PPP1R9A: variants seen among roughly 807,000 people sequenced by gnomAD.
PPP1R9A encodes protein phosphatase 1 regulatory subunit 9A.
In PPP1R9A, 59 loss-of-function variants were observed where a neutral mutation model predicts 141.9. The observed-to-expected ratio is 0.42, with a 90% CI of 0.34 to 0.52. The LOEUF is 0.52. Ranked by LOEUF, PPP1R9A falls within the 20% of genes least tolerant of loss-of-function variation. The pLI, the probability that PPP1R9A is intolerant of heterozygous loss-of-function variation, is 0.10. For synonymous variants in PPP1R9A, 500 were observed against 569.7 expected, an observed-to-expected ratio of 0.88 and a Z score of 1.74; for missense variants, 1,444 against 1,611.9, an observed-to-expected ratio of 0.90 and a Z score of 1.78.
intron 8 of PPP1R9A, among the ~76,000 whole-genome samples, chr7:95,245,682 A>G (rs1372515897): frequency 2.0e-5 from 3 of 152,190 alleles, no homozygotes; most frequent in Non-Finnish European, 2.9e-5. Context: ...AGTCATTGAG[A>G]AAACTTGTGA....
intron 12 of PPP1R9A, among the ~76,000 whole-genome samples, chr7:95,263,009 G>A (rs1339501663): frequency 6.6e-6 from 1 of 152,056 alleles, no homozygotes; most frequent in Non-Finnish European, 1.5e-5. Context: ...CAAATTATCT[G>A]GCAGTTAGTA....
At chr7:95,214,779 G>T (rs964791554) in intron 7 of PPP1R9A, among the ~76,000 whole-genome samples, 23 of 152,168 alleles carry the variant, frequency 1.5e-4, no homozygotes, top group Non-Finnish European at 1.6e-4. Flanking sequence ...TATTTTATTG[G>T]CAAATAATGA....
intron 2 of PPP1R9A, among the ~76,000 whole-genome samples, chr7:95,059,921 A>G (rs545251341): frequency 6.6e-6 from 1 of 152,138 alleles, no homozygotes; most frequent in Non-Finnish European, 1.5e-5. Context: ...AAGGACTCTG[A>G]AAAATGTGTG....
At position 94,985,656 on chromosome 7, in the gene PPP1R9A, A is replaced by AT. The variant is rs984719478; in HGVS notation, c.1395+74157dup. ...GACTGGGATTGCAACTCCTGCTTTT[A>AT]TTTTTTTTTGCTTTCCATTTGCTTG... On this transcript the variant is annotated intron_variant, in intron 2 of 19. Transcript: ENST00000433360. Among the ~76,000 whole-genome samples the AT allele has an allele frequency of 2.4e-3, 351 of 149,286 alleles. 2 individuals are homozygous for AT. The highest frequency in any genetic ancestry group is 7.3e-3 in the African/African-American group (298 of 40,744).
chr7:95,129,079 T>A (rs909770289), intron 4 of PPP1R9A, among the ~76,000 whole-genome samples: 2 of 152,212 alleles, frequency 1.3e-5, no homozygotes, highest in African/African-American at 4.8e-5. Flanking sequence ...ACTAGTTAGC[T>A]ATCCTAGCAC....
chr7:95,146,270 A>G (rs1445922108), intron 4 of PPP1R9A, among the ~76,000 whole-genome samples: 3 of 152,152 alleles, frequency 2.0e-5, no homozygotes, highest in Non-Finnish European at 4.4e-5. Flanking sequence ...GCTTGTTTTC[A>G]TAAGTTTTTT....
intron 2 of PPP1R9A, among the ~76,000 whole-genome samples, chr7:95,101,073 C>T (rs1186930936): frequency 1.3e-5 from 2 of 151,618 alleles, no homozygotes; most frequent in Non-Finnish European, 2.9e-5. Flanking sequence ...AGGATGGTCT[C>T]GATCTCCTGA....
Position 94,910,986 on chromosome 7 carries a change from G to T in PPP1R9A, c.873G>T (p.Ser291=). The T allele has an allele frequency of 6.2e-7, 1 of 1,614,026 alleles. No individual in the cohort carries two copies. The highest frequency in any genetic ancestry group is 8.5e-7 in the Non-Finnish European group (1 of 1,180,004). Reference sequence around the variant, plus strand: ...CTTCTAAAAGTACCTCTCTAGCTTCGATACCTGGTGAAGAGATCCAGCAGA... The same window carrying T: ...CTTCTAAAAGTACCTCTCTAGCTTCTATACCTGGTGAAGAGATCCAGCAGA... ...EVASKSTSLA[S]IPGEEIQQSK... is the part of the protein sequence containing the mutation. Residue 291 remains serine, a synonymous_variant, in exon 2 of 20, where the codon TCG becomes TCT. Transcript: ENST00000433360. This position sits in a 1 kb window ranked among gnomAD's most constrained non-coding sequence, Gnocchi z 4.5.
At chr7:95,200,686 G>T (rs1789367554) in intron 6 of PPP1R9A, among the ~76,000 whole-genome samples, 5 of 152,142 alleles carry the variant, frequency 3.3e-5, no homozygotes, top group Admixed American at 3.3e-4. Flanking sequence ...ATTGTTTATA[G>T]ATTTTTTTTG....
intron 2 of PPP1R9A, among the ~76,000 whole-genome samples, chr7:95,044,353 G>C (rs143406653): frequency 6.6e-6 from 1 of 152,136 alleles, no homozygotes; most frequent in African/African-American, 2.4e-5. Context: ...CTTTATGTAA[G>C]TAATTGAAGT....
intron 5 of PPP1R9A, among the ~76,000 whole-genome samples, chr7:95,191,812 CA>C (rs1345238492): frequency 6.6e-6 from 1 of 151,408 alleles, no homozygotes; most frequent in Admixed American, 6.6e-5. Flanking sequence ...TTTGTTGAAG[CA>C]AAGAAAAAAA....
intron 3 of PPP1R9A, among the ~76,000 whole-genome samples, chr7:95,119,559 A>G (rs1822151512): frequency 6.6e-6 from 1 of 152,066 alleles, no homozygotes; most frequent in South Asian, 2.1e-4. Flanking sequence ...GACTCAGGTG[A>G]TCCTCCCACG....
At position 95,226,091 on chromosome 7, in the gene PPP1R9A, G is replaced by A; in HGVS notation, c.2087G>A (p.Ser696Asn). The A allele has an allele frequency of 6.2e-7, 1 of 1,613,140 alleles. No homozygotes were observed. The highest frequency in any genetic ancestry group is 8.5e-7 in the Non-Finnish European group (1 of 1,179,322). The change falls in exon 8 of 20, where the codon AGC becomes AAC. Residue 696 changes from serine to asparagine, a missense_variant. Physicochemically the swap from Ser to Asn is conservative, Grantham distance 46 (BLOSUM62 1). Around this residue, in one of 5 missense-constraint regions of PPP1R9A, gnomAD observed 488 missense variants for 542.0 expected, o/e 0.90. Coordinates refer to ENST00000433360, the MANE Select transcript of PPP1R9A (RefSeq NM_001166160.2). ...DMFSPSELDT[S>N]KLSHKFKELQ... ...TTTTCCCCATCAGAACTGGACACAA[G>A]CAAGCTCAGTCACAAGTTCAAAGAG...
intron 2 of PPP1R9A, chr7:95,109,003 T>G (rs1024338459): frequency 3.3e-5 from 5 of 152,294 alleles, no homozygotes; most frequent in Admixed American, 1.3e-4. Context: ...TATCTGCCAG[T>G]GATTTCCGGG....
intron 2 of PPP1R9A, among the ~76,000 whole-genome samples, chr7:95,041,024 A>C (rs1304834759): frequency 6.6e-6 from 1 of 152,140 alleles, no homozygotes; most frequent in African/African-American, 2.4e-5. Flanking sequence ...ATATTTTCCA[A>C]ATTTATTTGA....
intron 1 of PPP1R9A, among the ~76,000 whole-genome samples, chr7:94,909,347 T>C (rs148381185): frequency 1.3e-5 from 2 of 152,334 alleles, no homozygotes; most frequent in East Asian, 1.9e-4. Context: ...GAAATTGCAT[T>C]AGTATTGCTT....
intron 8 of PPP1R9A, among the ~76,000 whole-genome samples, chr7:95,231,159 GAA>G (rs1795871174): frequency 6.6e-6 from 1 of 152,078 alleles, no homozygotes; most frequent in African/African-American, 2.4e-5. Flanking sequence ...GACAAAGAGA[GAA>G]ATTATATAAT....
intron 4 of PPP1R9A, among the ~76,000 whole-genome samples, chr7:95,139,772 A>G (rs1222518065): frequency 1.3e-5 from 2 of 150,370 alleles, no homozygotes; most frequent in African/African-American, 2.4e-5. Context: ...TGGGAGCTGT[A>G]GTTCATTGTT....
chr7:95,070,944 T>C (rs1486104086), intron 2 of PPP1R9A, among the ~76,000 whole-genome samples: 1 of 151,810 alleles, frequency 6.6e-6, no homozygotes, highest in East Asian at 1.9e-4. Context: ...ATCAAGGTAA[T>C]GTTAATTGGC....
Sources: allele counts gnomAD v4.1 joint callset (sites outside exome capture counted in the v4.1 genomes callset), GRCh38; gene constraint gnomAD v4.1.1; regional missense constraint gnomAD v4.1.1; non-coding constraint Gnocchi (gnomAD v3.1); transcripts MANE v1.5; gene names NCBI Gene and HGNC (gene_info 2026-07-23, HGNC 2026-07-21).